ZSCAN25: variants seen among roughly 807,000 people sequenced by gnomAD.
ZSCAN25 encodes zinc finger and SCAN domain containing 25.
Under a neutral mutation model 38.7 loss-of-function variants are expected in ZSCAN25, and 27 were observed. The ratio of observed to expected loss-of-function variants is 0.70; its 90% CI spans 0.51 to 0.96. ZSCAN25 has a LOEUF of 0.96. Among genes scored for constraint, ZSCAN25 ranks in the 40% least tolerant of loss-of-function variants. The pLI, the probability that ZSCAN25 is intolerant of heterozygous loss-of-function variation, is 0.00. For synonymous variants in ZSCAN25, 273 were observed against 277.7 expected (o/e 0.98, Z 0.17); for missense variants, 637 against 705.9 (o/e 0.90, Z 1.11).
At chr7:99,633,558 A>T (rs1808143049), downstream of ZSCAN25, among the ~76,000 whole-genome samples, 1 of 152,078 alleles carries the variant, frequency 6.6e-6, no homozygotes, top group Admixed American at 6.6e-5. Flanking sequence ...ATGCATTCAT[A>T]GCTTTTTGCT....
chr7:99,692,964 G>A, the ZSCAN25 span, among the ~76,000 whole-genome samples: 1 of 152,132 alleles, frequency 6.6e-6, no homozygotes, highest in Non-Finnish European at 1.5e-5. Context: ...ATCTTTCGGA[G>A]GAGAAGAGAT....
the ZSCAN25 span, among the ~76,000 whole-genome samples, chr7:99,639,016 G>A: frequency 6.6e-6 from 1 of 152,244 alleles, no homozygotes; most frequent in African/African-American, 2.4e-5. Flanking sequence ...GCTGAGGCAC[G>A]GCCCGGCTGT....
chr7:99,685,144 GT>G, the ZSCAN25 span: 1 of 1,596,426 alleles, frequency 6.3e-7, no homozygotes, highest in Non-Finnish European at 8.6e-7. Context: ...GGAAATTCAG[GT>G]TCCACTTACG....
chr7:99,678,467 T>G, the ZSCAN25 span, among the ~76,000 whole-genome samples: 1 of 152,242 alleles, frequency 6.6e-6, no homozygotes, highest in Non-Finnish European at 1.5e-5. Context: ...AAAGGAGTTA[T>G]TAAAATAAAT....
chr7:99,734,492 C>A, the ZSCAN25 span, among the ~76,000 whole-genome samples: 5 of 152,306 alleles, frequency 3.3e-5, no homozygotes, highest in East Asian at 7.7e-4. Context: ...CTTCTTTCCA[C>A]TAAAGATGAA....
chr7:99,619,316 G>T (rs1276184119), intron 3 of ZSCAN25, among the ~76,000 whole-genome samples, 184 bp downstream of exon 3: 1 of 152,170 alleles, frequency 6.6e-6, no homozygotes, highest in Non-Finnish European at 1.5e-5. Context: ...TTATTCTCCA[G>T]TGAGATCCTA....
Position 99,631,815 on chromosome 7 carries a change from G to A in ZSCAN25, c.*1795G>A. On this transcript the variant is annotated 3_prime_UTR_variant, in exon 8 of 8. Coordinates refer to ENST00000394152, the MANE Select transcript of ZSCAN25 (RefSeq NM_145115.3). ...GTGCCCACGAGGCTGCACTGACTGG[G>A]TCGTAAATGTATCTGAGATGTCCAC... 1.0e-6 allele frequency: 1 copy of A among 985,412 alleles called. No individual in the cohort carries two copies. The highest frequency in any genetic ancestry group is 1.2e-6 in the Non-Finnish European group (1 of 829,946). 61.0% of individuals were successfully genotyped at this position (985,412 alleles called of 1,614,324 possible).
the ZSCAN25 span, among the ~76,000 whole-genome samples, chr7:99,726,148 C>A: frequency 6.6e-6 from 1 of 152,142 alleles, no homozygotes. Context: ...TGTATCCCCC[C>A]ACCTTAACCC....
chr7:99,624,049 T>G lies in ZSCAN25; in HGVS notation c.682-8T>G, dbSNP rs1336790616. The G allele has an allele frequency of 8.7e-6, 14 of 1,614,068 alleles. No individual in the cohort carries two copies. Among genetic ancestry groups the G allele is most frequent in the African/African-American group, 1.3e-5 (1 of 74,936 alleles). On this transcript the variant is annotated splice_polypyrimidine_tract_variant and splice_region_variant and intron_variant, in intron 6 of 7. Coordinates refer to ENST00000394152, the MANE Select transcript of ZSCAN25 (RefSeq NM_145115.3). ...TTCTTTATTCATAGCAATCTCCTAT[T>G]GTTGCAGGGGTTGGGGCCATTTAAA...
the ZSCAN25 span, among the ~76,000 whole-genome samples, chr7:99,681,487 T>G: frequency 6.6e-6 from 1 of 152,254 alleles, no homozygotes; most frequent in Non-Finnish European, 1.5e-5. Context: ...GCCTGTCTTT[T>G]GGATAAAAAC....
chr7:99,716,768 A>G, the ZSCAN25 span, among the ~76,000 whole-genome samples: 1 of 152,154 alleles, frequency 6.6e-6, no homozygotes, highest in East Asian at 1.9e-4. Context: ...GAAATGATCA[A>G]AGTTATTCTA....
At chr7:99,684,169 ATT>A in the ZSCAN25 span, among the ~76,000 whole-genome samples, 1,537 of 137,002 alleles carry the variant, frequency 0.011, 22 homozygotes, top group African/African-American at 0.041. Flanking sequence ...AAAAGGCATA[ATT>A]TTTTTTTTTT....
the ZSCAN25 span, among the ~76,000 whole-genome samples, chr7:99,653,798 T>A: frequency 6.6e-6 from 1 of 152,184 alleles, no homozygotes; most frequent in African/African-American, 2.4e-5. This position sits in a 1 kb window ranked among gnomAD's most constrained non-coding sequence, Gnocchi z 4.2. Flanking sequence ...GTGGATGATA[T>A]GTACCTAGCA....
At chr7:99,673,968 A>C in the ZSCAN25 span, among the ~76,000 whole-genome samples, 2 of 152,232 alleles carry the variant, frequency 1.3e-5, no homozygotes, top group African/African-American at 4.8e-5. Context: ...AAGCCTCGAA[A>C]AGTTTTACAA....
the ZSCAN25 span, among the ~76,000 whole-genome samples, chr7:99,711,563 GT>G: frequency 6.6e-6 from 1 of 152,208 alleles, no homozygotes; most frequent in Non-Finnish European, 1.5e-5. Context: ...GAGGTCAGGA[GT>G]TCAAGACCAG....
chr7:99,698,244 C>A, the ZSCAN25 span, among the ~76,000 whole-genome samples: 1 of 152,220 alleles, frequency 6.6e-6, no homozygotes, highest in African/African-American at 2.4e-5. Flanking sequence ...GTCTGCCTGG[C>A]TGCCCGAGTC....
chr7:99,656,532 C>A, the ZSCAN25 span, among the ~76,000 whole-genome samples: 1 of 152,146 alleles, frequency 6.6e-6, no homozygotes, highest in African/African-American at 2.4e-5. Flanking sequence ...GGATATTGGT[C>A]TAAAATTCTC....
the ZSCAN25 span, chr7:99,667,110 T>G: frequency 6.4e-7 from 1 of 1,550,708 alleles, no homozygotes; most frequent in African/African-American, 1.4e-5. Flanking sequence ...GTTGTGGTGA[T>G]CTTCATGGTT....
the ZSCAN25 span, chr7:99,671,775 C>T: frequency 1.4e-6 from 1 of 701,958 alleles, no homozygotes; most frequent in Non-Finnish European, 2.6e-6. Context: ...TAGAACCTGT[C>T]AGAGAAAAAG....
Sources: gnomAD v4.1 joint callset for allele counts (sites outside exome capture counted in the v4.1 genomes callset) on GRCh38, gnomAD v4.1.1 for gene constraint, Gnocchi (gnomAD v3.1) non-coding constraint, MANE v1.5 for transcripts, NCBI Gene and HGNC (gene_info 2026-07-23, HGNC 2026-07-21) for gene names.